The following METTL16 variants were observed in gnomAD, a reference collection of about 807,000 sequenced individuals.
The protein encoded by METTL16 is RNA N(6)-adenosine-methyltransferase METTL16.
METTL16 carries 19 observed loss-of-function variants against 57.9 expected under a neutral mutation model. The observed-to-expected ratio is 0.33, with a 90% CI of 0.23 to 0.48. METTL16 has a LOEUF of 0.48. Among genes scored for constraint, METTL16 ranks in the 20% least tolerant of loss-of-function variants. METTL16 has a pLI of 0.99. For missense variants in METTL16, 434 were observed against 691.5 expected (o/e 0.63, Z 4.18); for synonymous variants, 246 against 255.6 (o/e 0.96, Z 0.36).
Position 2,462,568 on chromosome 17 carries a change from C to T in METTL16, c.728+1640G>A, listed in dbSNP as rs553370476. Among the ~76,000 whole-genome samples the T allele has an allele frequency of 2.8e-4, 43 of 152,226 alleles. 1 individual carries two copies. The highest frequency in any genetic ancestry group is 9.9e-4 in the African/African-American group (41 of 41,526). ...GATCCTGAGGGCAGATTTCCCCTTG[C>T]TGTTCTGGTGACAGTGAGTGAGATC... On this transcript the variant is annotated intron_variant, in intron 6 of 9. Transcript: ENST00000263092.
At chr17:2,427,464 C>CA (rs1306155322) in intron 8 of METTL16, among the ~76,000 whole-genome samples, 1 of 151,834 alleles carries the variant, frequency 6.6e-6, no homozygotes, top group Non-Finnish European at 1.5e-5. Flanking sequence ...TCTCCAAGGA[C>CA]AAAAAAGAAT....
At chr17:2,509,627 C>T (rs959494023) in intron 1 of METTL16, among the ~76,000 whole-genome samples, 24 of 152,160 alleles carry the variant, frequency 1.6e-4, no homozygotes, top group East Asian at 1.9e-4. Flanking sequence ...CAGTCGCTCA[C>T]GACTATAATC....
At position 2,419,590 on chromosome 17, in the gene METTL16, G is replaced by C. The variant is rs1469044254; in HGVS notation, c.*380C>G. 2 of 468,972 alleles carry C rather than the reference G, an allele frequency of 4.3e-6. No homozygotes were observed. Among genetic ancestry groups the C allele is most frequent in the Non-Finnish European group, 8.5e-6 (2 of 236,098 alleles). 29.1% of individuals were successfully genotyped at this position (468,972 alleles called of 1,614,324 possible). ...CCACCCCTCCTCAAGAAACACCCTT[G>C]GGTGACAGAGACAGCATGATATTCT... On this transcript the variant is annotated 3_prime_UTR_variant, in exon 10 of 10. Coordinates refer to ENST00000263092, the MANE Select transcript of METTL16 (RefSeq NM_024086.4).
intron 2 of METTL16, among the ~76,000 whole-genome samples, chr17:2,501,724 G>A (rs759535849): frequency 4.5e-4 from 69 of 152,122 alleles, no homozygotes; most frequent in Non-Finnish European, 6.8e-4. Flanking sequence ...TGAGTGTGGT[G>A]GCGGGCGCCT....
At chr17:2,426,616 C>G (rs959528621) in intron 8 of METTL16, among the ~76,000 whole-genome samples, 3 of 148,894 alleles carry the variant, frequency 2.0e-5, no homozygotes, top group Admixed American at 6.8e-5. Context: ...ATAATCCCAG[C>G]TACTCGGCAG....
chr17:2,504,152 A>T lies in METTL16; in HGVS notation c.1-1821T>A, dbSNP rs529494712. ...AATATTGTATGCTTTCACTTATATG[A>T]GGCACCCAGTAGAGGTAAATTTATT... On this transcript the variant is annotated intron_variant, in intron 1 of 9. Transcript: ENST00000263092. Among the ~76,000 whole-genome samples, 4 of 152,304 alleles carry T rather than the reference A, an allele frequency of 2.6e-5. No homozygotes were observed. In the East Asian group the frequency reaches 7.7e-4, roughly 29 times the overall value.
chr17:2,474,875 G>A (rs556668914), intron 3 of METTL16, among the ~76,000 whole-genome samples: 3 of 152,132 alleles, frequency 2.0e-5, no homozygotes, highest in East Asian at 1.9e-4. Context: ...AGCCGAGATC[G>A]TGCCATTGCA....
chr17:2,475,415 T>C (rs1226581335), intron 3 of METTL16: 1 of 152,154 alleles, frequency 6.6e-6, no homozygotes, highest in Non-Finnish European at 1.5e-5. Context: ...AGTAAGAACA[T>C]GTCAGTTGTA....
intron 1 of METTL16, among the ~76,000 whole-genome samples, chr17:2,507,851 A>T (rs2067558121): frequency 6.6e-6 from 1 of 152,148 alleles, no homozygotes; most frequent in South Asian, 2.1e-4. Context: ...TCTCTGAAAT[A>T]TGTGCTGTGT....
intron 2 of METTL16, among the ~76,000 whole-genome samples, chr17:2,487,926 G>A (rs2067355552): frequency 6.6e-6 from 1 of 151,534 alleles, no homozygotes; most frequent in Non-Finnish European, 1.5e-5. Flanking sequence ...GGATCACTCA[G>A]CACAGGAGGT....
chr17:2,438,676 A>G (rs916323051), intron 7 of METTL16, among the ~76,000 whole-genome samples: 6 of 151,914 alleles, frequency 3.9e-5, no homozygotes, highest in Admixed American at 3.3e-4. Context: ...TAATTTTTGT[A>G]TTTTTAGTAG....
intron 3 of METTL16, 26 bp from the exon 4 acceptor site, chr17:2,473,690 A>G (rs374034304): frequency 7.2e-5 from 116 of 1,604,776 alleles, no homozygotes; most frequent in Non-Finnish European, 9.0e-5. Flanking sequence ...TACAAAACAC[A>G]TTCTACACAC....
intron 2 of METTL16, among the ~76,000 whole-genome samples, chr17:2,483,730 G>C (rs1378492300): frequency 6.6e-6 from 1 of 152,174 alleles, no homozygotes; most frequent in African/African-American, 2.4e-5. Context: ...CAAGATAAAT[G>C]ATGAGCAATA....
intron 6 of METTL16, among the ~76,000 whole-genome samples, chr17:2,453,728 A>G (rs2067088458): frequency 6.6e-6 from 1 of 152,172 alleles, no homozygotes; most frequent in Non-Finnish European, 1.5e-5. Flanking sequence ...TATTACTATG[A>G]TTGTTGCAAA....
intron 1 of METTL16, among the ~76,000 whole-genome samples, chr17:2,508,778 G>A (rs1396927419): frequency 1.3e-5 from 2 of 152,124 alleles, no homozygotes; most frequent in African/African-American, 4.8e-5. Context: ...GCATCCCAAA[G>A]CTATTAAGCT....
chr17:2,504,111 C>A (rs1359662270), intron 1 of METTL16, among the ~76,000 whole-genome samples: 2 of 152,044 alleles, frequency 1.3e-5, no homozygotes, highest in Non-Finnish European at 2.9e-5. Flanking sequence ...GGAAATAAAC[C>A]ACACACAAAA....
intron 2 of METTL16, among the ~76,000 whole-genome samples, chr17:2,487,982 G>GC (rs1375028925): frequency 6.6e-6 from 1 of 151,522 alleles, no homozygotes; most frequent in East Asian, 1.9e-4. Context: ...TCCAGCCCAG[G>GC]CAACAGAGCA....
rs2066758462 is a variant in METTL16, at chr17:2,420,677, AG to A, written c.1062+53del. On this transcript the variant is annotated intron_variant, in intron 9 of 9. Coordinates refer to ENST00000263092, the MANE Select transcript of METTL16 (RefSeq NM_024086.4). This position sits in a 1 kb window ranked among gnomAD's most constrained non-coding sequence, Gnocchi z 5.4. The stretch of plus-strand genomic sequence containing the variant: ...CTCTCAATAAAAAAAAAAAGAAAAA[AG>A]AAAAAAGAGAAGGATCATTATGAGT... The A allele has an allele frequency of 6.4e-7, 1 of 1,564,552 alleles. No homozygotes were observed. The highest frequency in any genetic ancestry group is 2.1e-5 in the Admixed American group (1 of 46,614).
At chr17:2,504,212 G>A in intron 1 of METTL16, among the ~76,000 whole-genome samples, 1 of 152,202 alleles carries the variant, frequency 6.6e-6, no homozygotes, top group African/African-American at 2.4e-5. Context: ...GTGATGAGGA[G>A]CTGGGGAGGG....
Sources: allele counts gnomAD v4.1 joint callset (sites outside exome capture counted in the v4.1 genomes callset), GRCh38; gene constraint gnomAD v4.1.1; non-coding constraint Gnocchi (gnomAD v3.1); transcripts MANE v1.5; gene names NCBI Gene and HGNC (gene_info 2026-07-23, HGNC 2026-07-21).